Variants in SNAPC4 observed in about 807,000 individuals in gnomAD.
The protein encoded by SNAPC4 is small nuclear RNA activating complex polypeptide 4.
In SNAPC4, 127 loss-of-function variants were observed where a neutral mutation model predicts 151.3. That is an observed-to-expected ratio of 0.84 (90% CI 0.73 to 0.97). The LOEUF (loss-of-function observed/expected upper bound fraction) is 0.97, where lower values mean the gene tolerates loss of function less well. Ranked by LOEUF, SNAPC4 falls within the 50% of genes least tolerant of loss-of-function variation. The pLI, the probability that SNAPC4 is intolerant of heterozygous loss-of-function variation, is 0.00. For missense variants in SNAPC4, 2,186 were observed against 1,935.0 expected (o/e 1.13, Z -2.43); for synonymous variants, 1,002 against 824.4 (o/e 1.22, Z -3.69).
In SNAPC4 at chr9:136,384,798, G is replaced by T; in HGVS notation, c.1342C>A (p.His448Asn). 1 of 1,589,172 alleles carries T rather than the reference G, an allele frequency of 6.3e-7. No homozygotes were observed. The highest frequency in any genetic ancestry group is 8.6e-7 in the Non-Finnish European group (1 of 1,165,138). ...QCRDRYLRRL[H>N]FSLKKGRWNL... Reference sequence around the variant, plus strand: ...CACCGACCCTTTTTCAAGCTGAAATGTAATCTCCTGAGATACCTGAACGTG... The same window carrying T: ...CACCGACCCTTTTTCAAGCTGAAATTTAATCTCCTGAGATACCTGAACGTG... Residue 448 changes from histidine (H) to asparagine (N), a missense_variant, in exon 14 of 24, where the codon CAT (histidine) becomes AAT (asparagine). Physicochemically the swap from His to Asn is moderately conservative, Grantham distance 68. Transcript: ENST00000684778.
At chr9:136,384,946 T>C (rs910298735) in intron 13 of SNAPC4, 132 bp from the exon 14 acceptor site, 6 of 532,906 alleles carry the variant, frequency 1.1e-5, no homozygotes, top group African/African-American at 3.9e-5. Context: ...ACAGATAAAG[T>C]AGACTTCATC....
intron 14 of SNAPC4, 63 bp downstream of exon 14, chr9:136,384,657 C>T (rs1467894233): frequency 1.9e-5 from 17 of 873,120 alleles, no homozygotes; most frequent in African/African-American, 3.4e-5. Context: ...TTATCTTGAT[C>T]TCTTTTCTAA....
intron 18 of SNAPC4, 34 bp from the exon 19 acceptor site, chr9:136,381,426 C>T (rs773434927): frequency 5.7e-5 from 90 of 1,587,556 alleles, no homozygotes; most frequent in Non-Finnish European, 7.6e-5. Context: ...GAAAGCAGCC[C>T]CAGCTCCCAT....
chr9:136,382,821 C>G (rs1215638315), intron 16 of SNAPC4, among the ~76,000 whole-genome samples: 1 of 152,226 alleles, frequency 6.6e-6, no homozygotes, highest in African/African-American at 2.4e-5. Context: ...TTGTCCCAAG[C>G]AGGTGGACAG....
At chr9:136,376,914 C>G (rs965223031) in intron 22 of SNAPC4, among the ~76,000 whole-genome samples, 1 of 152,220 alleles carries the variant, frequency 6.6e-6, no homozygotes, top group African/African-American at 2.4e-5. Context: ...GACAGGCCCA[C>G]AGGTCCAGCT....
rs371350192 is a variant in SNAPC4, at chr9:136,393,677, G to A, written c.632+572C>T. On this transcript the variant is annotated intron_variant, in intron 7 of 23. Transcript: ENST00000684778. Reference sequence around the variant, plus strand: ...CCGAGCCACACCTCTCATCGTGGCCGTGTGGACCGACCCCGCGCCCCGAGC... The same window carrying A: ...CCGAGCCACACCTCTCATCGTGGCCATGTGGACCGACCCCGCGCCCCGAGC... Among the ~76,000 whole-genome samples, 8 of 152,190 alleles carry A rather than the reference G, an allele frequency of 5.3e-5. No homozygotes were observed. The South Asian group carries it at 6.2e-4, about 12-fold the overall frequency.
Position 136,383,176 on chromosome 9 carries a change from C to T in SNAPC4, c.1983+10G>A, listed in dbSNP as rs760698348. On this transcript the variant is annotated intron_variant, in intron 16 of 23. Coordinates refer to ENST00000684778, the MANE Select transcript of SNAPC4 (RefSeq NM_003086.4). This position sits in a 1 kb window ranked among gnomAD's most constrained non-coding sequence, Gnocchi z 4.2. ...GCACTTCCCGTGGTACACCCAGGGC[C>T]GGGGCCTACCTCCAGGGCCTGCTTC... 1.8e-5 allele frequency: 28 copies of T among 1,522,692 alleles called. No individual in the cohort carries two copies. Among genetic ancestry groups the T allele is most frequent in the East Asian group, 4.5e-5 (2 of 44,046 alleles). 94.3% of individuals were successfully genotyped at this position (1,522,692 alleles called of 1,614,324 possible). A position where few individuals can be genotyped will look rare whatever the true frequency, so the allele number is the denominator to read the frequency against.
Position 136,380,796 on chromosome 9 carries a change from G to C in SNAPC4, c.2443C>G (p.Leu815Val). 1 of 1,612,386 alleles carries C rather than the reference G, an allele frequency of 6.2e-7. No individual in the cohort carries two copies. The highest frequency in any genetic ancestry group is 8.5e-7 in the Non-Finnish European group (1 of 1,179,412). Reference protein sequence around the residue: ...CLEVVRERKALPPRLPQAGAR... With the variant: ...CLEVVRERKAVPPRLPQAGAR... ...CCAGCCTGGGGCAGCCTGGGTGGCA[G>C]GGCCTTCCTCTCTCGGACGACCTCC... Residue 815 changes from leucine to valine, a missense_variant, in exon 20 of 24, where the codon CTG becomes GTG. Leu to Val is a conservative substitution (Grantham distance 32, BLOSUM62 1). Coordinates refer to ENST00000684778, the MANE Select transcript of SNAPC4 (RefSeq NM_003086.4).
Position 136,396,960 on chromosome 9 carries a change from A to T in SNAPC4, c.177+17T>A. On this transcript the variant is annotated intron_variant, in intron 3 of 23. Transcript: ENST00000684778. ...AGGCCTGACCCAGTGGCACAGCCAG[A>T]TCAGGCCAACAGTTACCGAGATCGG... is the stretch of plus-strand genomic sequence containing the variant. The T allele has an allele frequency of 6.2e-7, 1 of 1,611,728 alleles. No individual in the cohort carries two copies. The highest frequency in any genetic ancestry group is 8.5e-7 in the Non-Finnish European group (1 of 1,178,780).
Position 136,377,598 on chromosome 9 carries a change from T to C in SNAPC4, c.4229A>G (p.Glu1410Gly). 4.6e-6 allele frequency: 7 copies of C among 1,537,754 alleles called. No individual in the cohort carries two copies. The highest frequency in any genetic ancestry group is 6.1e-6 in the Non-Finnish European group (7 of 1,139,728). Reference sequence around the variant, plus strand: ...CGGCTGCCCGTCCCTGTCTGCAAGTTCCAGCTCACTCAGGAGGTCTTCATC... The same window carrying C: ...CGGCTGCCCGTCCCTGTCTGCAAGTCCCAGCTCACTCAGGAGGTCTTCATC... The part of the protein sequence containing the change: ...SEDEDLLSEL[E>G]LADRDGQPGC... Residue 1410 changes from glutamate to glycine, a missense_variant, in exon 22 of 24, where the codon GAA (glutamate) becomes GGA (glycine). Physicochemically the swap from Glu to Gly is moderately conservative, Grantham distance 98. Coordinates refer to ENST00000684778, the MANE Select transcript of SNAPC4 (RefSeq NM_003086.4).
chr9:136,392,226 C>T, intron 9 of SNAPC4, 120 bp from the exon 10 acceptor site: 2 of 1,271,654 alleles, frequency 1.6e-6, no homozygotes, highest in Non-Finnish European at 2.2e-6. Flanking sequence ...CAAGTAAGCG[C>T]AATCTTCGTC....
In SNAPC4 at chr9:136,392,154, C is replaced by G. The variant is rs745748792; in HGVS notation, c.811-48G>C. 6.9e-6 allele frequency: 11 copies of G among 1,604,108 alleles called. No homozygotes were observed. The South Asian group carries it at 1.1e-4, about 16-fold the overall frequency. On this transcript the variant is annotated intron_variant, in intron 9 of 23. Coordinates refer to ENST00000684778, the MANE Select transcript of SNAPC4 (RefSeq NM_003086.4). ...CCTTGCAGGCCACTGACCCCAGGGG[C>G]ACCCTAGACGCAGCTCCAGGCTGAG...
In SNAPC4 at chr9:136,381,859, T is replaced by C. The variant is rs1324415542; in HGVS notation, c.2282A>G (p.Gln761Arg). 12 of 1,612,242 alleles carry C rather than the reference T, an allele frequency of 7.4e-6. No individual in the cohort carries two copies. The highest frequency in any genetic ancestry group is 9.3e-6 in the Non-Finnish European group (11 of 1,179,862). Residue 761 changes from glutamine (Q) to arginine (R), a missense_variant, in exon 18 of 24, where the codon CAG becomes CGG. Gln to Arg is a conservative substitution (Grantham distance 43, BLOSUM62 1). Coordinates refer to ENST00000684778, the MANE Select transcript of SNAPC4 (RefSeq NM_003086.4). ...WVGDVVVPCT[Q>R]ASQRPAVVQT... ...CACTACGGCGGGTCTCTGGGAAGCC[T>C]GTGTGCAGGGCACGACAACGTCCCC...
chr9:136,393,252 C>T (rs1834143991), intron 7 of SNAPC4, among the ~76,000 whole-genome samples: 1 of 152,342 alleles, frequency 6.6e-6, no homozygotes, highest in African/African-American at 2.4e-5. Context: ...CCATGCACAT[C>T]AGGCCACGGG....
In SNAPC4 at chr9:136,376,421, C is replaced by G; in HGVS notation, c.4345G>C (p.Asp1449His). ...SSCLDTSNDPDDLDVLRTRHA... is the reference protein window; with the variant it reads ...SSCLDTSNDPHDLDVLRTRHA... ...CGGGTTCTGAGCACGTCCAGGTCGT[C>G]AGGGTCATTAGAAGTATCCAGGCAG... is the stretch of plus-strand genomic sequence containing the variant. The change falls in exon 23 of 24, where the codon GAC (aspartate) becomes CAC (histidine). Residue 1449 changes from aspartate (D) to histidine (H), a missense_variant. Asp to His is a moderately conservative substitution (Grantham distance 81). Transcript: ENST00000684778. 6.2e-7 allele frequency: 1 copy of G among 1,613,556 alleles called. No individual in the cohort carries two copies. The highest frequency in any genetic ancestry group is 8.5e-7 in the Non-Finnish European group (1 of 1,179,960).
rs572369028 is a variant in SNAPC4 at position 136,381,155 on chromosome 9, C to A, written c.2388+167G>T. The stretch of plus-strand genomic sequence containing the variant: ...GGCAGTGCACACTGTAGCCGGCACC[C>A]CTTCCACATTCACTTGCTAACAGTG... On this transcript the variant is annotated intron_variant, in intron 19 of 23. Coordinates refer to ENST00000684778, the MANE Select transcript of SNAPC4 (RefSeq NM_003086.4). Among the ~76,000 whole-genome samples, 7 of 152,352 alleles carry A rather than the reference C, an allele frequency of 4.6e-5. No homozygotes were observed. The East Asian group carries it at 9.6e-4, about 21-fold the overall frequency.
Position 136,383,096 on chromosome 9 carries a change from C to A in SNAPC4, c.1983+90G>T. The A allele has an allele frequency of 6.8e-7, 1 of 1,467,134 alleles. No homozygotes were observed. Among genetic ancestry groups the A allele is most frequent in the Non-Finnish European group, 9.0e-7 (1 of 1,113,282 alleles). The allele number at this position is 1,467,134 out of a possible 1,614,324, so 90.9% of individuals were successfully genotyped here. ...GTTCTGATGCACACGAACCCTGGGGCCCCTGCTGCTGCACTATCCCCAAGC... is the reference window on the plus strand; with the variant it reads ...GTTCTGATGCACACGAACCCTGGGGACCCTGCTGCTGCACTATCCCCAAGC... On this transcript the variant is annotated intron_variant, in intron 16 of 23. Transcript: ENST00000684778. The surrounding 1 kb of genome is among the most constrained non-coding windows in gnomAD (Gnocchi z 4.2).
rs1412526881 is a variant in SNAPC4, at chr9:136,377,948, A to C, written c.3879T>G (p.Arg1293=). The change falls in exon 22 of 24, where the codon CGT becomes CGG. Residue 1293 remains arginine (R), a synonymous_variant. Coordinates refer to ENST00000684778, the MANE Select transcript of SNAPC4 (RefSeq NM_003086.4). ...GCAGTCTGCTGCCCAGAAGAGGCAC[A>C]CGCACCCCCCGCTGGCCCCCCAGCC... is the stretch of plus-strand genomic sequence containing the variant. The part of the protein sequence containing the change: ...QQWLGGQRGV[R]VPLLGSRLPY... The C allele has an allele frequency of 5.0e-6, 8 of 1,604,346 alleles. No individual in the cohort carries two copies. The highest frequency in any genetic ancestry group is 6.8e-6 in the Non-Finnish European group (8 of 1,175,556).
At position 136,381,976 on chromosome 9, in the gene SNAPC4, C is replaced by G. The variant is rs775496446; in HGVS notation, c.2165G>C (p.Arg722Thr). The G allele has an allele frequency of 7.4e-6, 12 of 1,611,468 alleles. No homozygotes were observed. The highest frequency in any genetic ancestry group is 1.3e-5 in the African/African-American group (1 of 74,908). Residue 722 changes from arginine (R) to threonine (T), a missense_variant, in exon 18 of 24, where the codon AGA (arginine) becomes ACA (threonine). By Grantham distance (71) the Arg-to-Thr change is moderately conservative (BLOSUM62 -1). Coordinates refer to ENST00000684778, the MANE Select transcript of SNAPC4 (RefSeq NM_003086.4). The stretch of plus-strand genomic sequence containing the variant: ...GCGCCGCTGCCCACTCTGGGTGGCT[C>G]TGTGCCGTAGCCACTGCACATGGGA... ...ARSHVQWLRHRATQSGQRRWR... is the reference protein window; with the variant it reads ...ARSHVQWLRHTATQSGQRRWR...
Sources: gnomAD v4.1 joint callset for allele counts (sites outside exome capture counted in the v4.1 genomes callset) on GRCh38, gnomAD v4.1.1 for gene constraint, Gnocchi (gnomAD v3.1) non-coding constraint, MANE v1.5 for transcripts, NCBI Gene and HGNC (gene_info 2026-07-23, HGNC 2026-07-21) for gene names.